The following DACT3 variants were observed in gnomAD, a reference collection of about 807,000 sequenced individuals.
DACT3 encodes the protein dishevelled binding antagonist of beta catenin 3.
In DACT3, 5 loss-of-function variants were observed where a neutral mutation model predicts 19.6. The observed-to-expected ratio is 0.26, with a 90% confidence interval of 0.13 to 0.54. The LOEUF (loss-of-function observed/expected upper bound fraction) is 0.54. Among genes scored for constraint, DACT3 ranks in the 20% least tolerant of loss-of-function variants. The pLI is 0.95. For synonymous variants in DACT3, 454 were observed against 428.1 expected (o/e 1.06, Z -0.75); for missense variants, 908 against 927.4 (o/e 0.98, Z 0.27).
At position 46,649,260 on chromosome 19, in the gene DACT3, G is replaced by A; in HGVS notation, c.1112C>T (p.Pro371Leu). ...PGAQAATRGL[P>L]GRAARRKPPP... ...CGGTTTGCGGCGGGCGGCGCGGCCA[G>A]GGAGGCCTCGGGTGGCCGCCTGCGC... The change falls in exon 4 of 4, where the codon CCT becomes CTT. Residue 371 changes from proline (P) to leucine (L), a missense_variant. Pro to Leu is a moderately conservative substitution (Grantham distance 98). Around this residue, in one of 2 missense-constraint regions of DACT3, gnomAD observed 656 missense variants for 601.8 expected, o/e 1.09. Transcript: ENST00000391916. The A allele has an allele frequency of 8.3e-7, 1 of 1,200,538 alleles. No homozygotes were observed. Among genetic ancestry groups the A allele is most frequent in the Non-Finnish European group, 1.0e-6 (1 of 970,050 alleles). 74.4% of individuals were successfully genotyped at this position (1,200,538 alleles called of 1,614,324 possible). A position where few individuals can be genotyped will look rare whatever the true frequency, so the allele number is the denominator to read the frequency against.
At chr19:46,654,895 C>G (rs1599791796) in intron 1 of DACT3, 1 of 984,984 alleles carries the variant, frequency 1.0e-6, no homozygotes, top group East Asian at 1.1e-4. Flanking sequence ...CCCATCCGGG[C>G]CTGTTTATTT....
Position 46,649,017 on chromosome 19 carries a change from G to C in DACT3, c.1355C>G (p.Pro452Arg), listed in dbSNP as rs1354943075. The change falls in exon 4 of 4, where the codon CCT becomes CGT. Residue 452 changes from proline to arginine, a missense_variant. By Grantham distance (103) the Pro-to-Arg change is moderately radical. This residue lies in a region of DACT3 where 656 missense variants were observed against 601.8 expected (regional missense o/e 1.09). Transcript: ENST00000391916. The stretch of plus-strand genomic sequence containing the variant: ...GCCGCGGCGTGGCCGTGGAGGCCGA[G>C]GCTCTTCCCGCTCCGCCGTGGGGTA... ...PKYPTAEREE[P>R]RPPRPRRGPA... The C allele has an allele frequency of 1.1e-5, 14 of 1,271,750 alleles. No individual in the cohort carries two copies. Among genetic ancestry groups the C allele is most frequent in the African/African-American group, 1.6e-5 (1 of 63,918 alleles). 78.8% of individuals were successfully genotyped at this position (1,271,750 alleles called of 1,614,324 possible). A position where few individuals can be genotyped will look rare whatever the true frequency, so the allele number is the denominator to read the frequency against.
chr19:46,653,739 A>G (rs908632652), intron 1 of DACT3, among the ~76,000 whole-genome samples: 12 of 151,776 alleles, frequency 7.9e-5, no homozygotes, highest in Admixed American at 7.2e-4. Flanking sequence ...TTTTCAGTAG[A>G]GGCAGGGTTT....
chr19:46,656,119 G>C (rs1458228684), intron 1 of DACT3, among the ~76,000 whole-genome samples: 1 of 149,354 alleles, frequency 6.7e-6, no homozygotes, highest in Admixed American at 6.7e-5. Flanking sequence ...GGAGTGCAGT[G>C]GTGCAGCCTC....
At position 46,660,024 on chromosome 19, in the gene DACT3, A is replaced by G. The variant is rs1297077639; in HGVS notation, c.249+792T>C. Among the ~76,000 whole-genome samples, 3 of 152,134 alleles carry G rather than the reference A, an allele frequency of 2.0e-5. No homozygotes were observed. The highest frequency in any genetic ancestry group is 4.4e-5 in the Non-Finnish European group (3 of 68,016). On this transcript the variant is annotated intron_variant, in intron 1 of 3. Transcript: ENST00000391916. The surrounding 1 kb of genome is among the most constrained non-coding windows in gnomAD (Gnocchi z 4.9). ...AACCCAGGACGAGATCGGGAGACTC[A>G]AGGAATGACATAGAAAGGGGAGAGG...
Position 46,652,736 on chromosome 19 carries a change from A to T in DACT3, c.423T>A (p.Ser141=). ...CCAGGCGACCATAGGAGCTGGATCC[A>T]GAGAAGCCACTGTCCCCACAGAAGG... ...PSTFCGDSGF[S]GSSSYGRLGP... is the part of the protein sequence containing the mutation. Residue 141 remains serine (S), a synonymous_variant, in exon 3 of 4, where the codon TCT becomes TCA. Coordinates refer to ENST00000391916, the MANE Select transcript of DACT3 (RefSeq NM_145056.3). The T allele has an allele frequency of 6.4e-7, 1 of 1,551,682 alleles. No individual in the cohort carries two copies. Among genetic ancestry groups the T allele is most frequent in the Non-Finnish European group, 8.7e-7 (1 of 1,146,996 alleles).
intron 2 of DACT3, 26 bp from the exon 3 acceptor site, chr19:46,652,838 A>T (rs1432342326): frequency 6.5e-7 from 1 of 1,545,858 alleles, no homozygotes; most frequent in African/African-American, 1.4e-5. Flanking sequence ...AAGCAGAGAG[A>T]CTTCAGGGGG....
chr19:46,653,489 G>A (rs2053006010), intron 1 of DACT3, among the ~76,000 whole-genome samples: 1 of 151,976 alleles, frequency 6.6e-6, no homozygotes, highest in African/African-American at 2.4e-5. Flanking sequence ...AGGACCCCCA[G>A]ATCCCTTAGT....
intron 1 of DACT3, chr19:46,654,558 G>A: frequency 1.0e-6 from 1 of 985,168 alleles, no homozygotes; most frequent in Non-Finnish European, 1.2e-6. Flanking sequence ...CAGGAAAAGA[G>A]CACTTCTCAC....
chr19:46,648,761 A>G lies in DACT3; in HGVS notation c.1611T>C (p.Pro537=). 3 of 1,566,602 alleles carry G rather than the reference A, an allele frequency of 1.9e-6. No individual in the cohort carries two copies. The highest frequency in any genetic ancestry group is 2.6e-6 in the Non-Finnish European group (3 of 1,162,742). The change falls in exon 4 of 4, where the codon CCT becomes CCC. Residue 537 remains proline (P), a synonymous_variant. Coordinates refer to ENST00000391916, the MANE Select transcript of DACT3 (RefSeq NM_145056.3). This position sits in a 1 kb window ranked among gnomAD's most constrained non-coding sequence, Gnocchi z 5.1. ...CGTAACCCCCGCCGACGCCTCCCGC[A>G]GGCCCCCGGCGTCCCAGGGGCCCCA... ...GRLGPLGRRG[P]AGGVGGGYGE...
Position 46,660,819 on chromosome 19 carries a change from CT to C in DACT3, c.245del (p.Gln82ArgfsTer19). The part of the protein sequence containing the change: ...ARRAAAALEE[Q>X]LEALPGLVWD... ...GGACGGACAGGCAGCCCCTTACCAG[CT>C]GCTCCTCCAGGGCCGCTGCGGCCCG... On this transcript the variant is annotated frameshift_variant, in exon 1 of 4. Coordinates refer to ENST00000391916, the MANE Select transcript of DACT3 (RefSeq NM_145056.3). LOFTEE classifies it high-confidence loss of function. This position sits in a 1 kb window ranked among gnomAD's most constrained non-coding sequence, Gnocchi z 4.9. 6.7e-7 allele frequency: 1 copy of C among 1,502,322 alleles called. No homozygotes were observed. The highest frequency in any genetic ancestry group is 8.8e-7 in the Non-Finnish European group (1 of 1,131,674). 93.1% of individuals were successfully genotyped at this position (1,502,322 alleles called of 1,614,324 possible).
intron 1 of DACT3, among the ~76,000 whole-genome samples, chr19:46,653,593 G>A (rs140084148): frequency 0.015 from 1,884 of 122,804 alleles, 25 homozygotes; most frequent in South Asian, 0.067. Flanking sequence ...TCACTCTGTC[G>A]CCTAGGCTGG....
At chr19:46,653,853 C>T (rs997702617) in intron 1 of DACT3, among the ~76,000 whole-genome samples, 4 of 152,188 alleles carry the variant, frequency 2.6e-5, no homozygotes, top group Non-Finnish European at 5.9e-5. Flanking sequence ...TGCGCCCAGC[C>T]TCTCCCCGTC....
Position 46,661,168 on chromosome 19 carries a change from G to T in DACT3, c.-104C>A. On this transcript the variant is annotated 5_prime_UTR_variant, in exon 1 of 4. Coordinates refer to ENST00000391916, the MANE Select transcript of DACT3 (RefSeq NM_145056.3). Reference sequence around the variant, plus strand: ...TGCCCGCCCGCCCGCTGGCCGGGCTGTCACCGTCTCATCTGCATAGGCGCC... The same window carrying T: ...TGCCCGCCCGCCCGCTGGCCGGGCTTTCACCGTCTCATCTGCATAGGCGCC... 8.1e-7 allele frequency: 1 copy of T among 1,233,500 alleles called. No individual in the cohort carries two copies. The highest frequency in any genetic ancestry group is 1.0e-6 in the Non-Finnish European group (1 of 960,768). The allele number at this position is 1,233,500 out of a possible 1,614,324, so 76.4% of individuals were successfully genotyped here.
rs574157171 is a variant in DACT3, at chr19:46,653,125, C to T, written c.250-50G>A. The T allele has an allele frequency of 7.8e-5, 120 of 1,542,842 alleles. 1 individual carries two copies. The Middle Eastern group carries it at 1.8e-3, about 24-fold the overall frequency. On this transcript the variant is annotated intron_variant, in intron 1 of 3. Coordinates refer to ENST00000391916, the MANE Select transcript of DACT3 (RefSeq NM_145056.3). The stretch of plus-strand genomic sequence containing the variant: ...GGTCAGAAGGCCCCCAGTCCTCTGC[C>T]GACTGGTCCCCTATTCCACGAGCTC...
intron 3 of DACT3, chr19:46,651,069 T>C (rs113433039): frequency 0.029 from 1,292 of 44,134 alleles, 14 homozygotes; most frequent in African/African-American, 0.064. Context: ...ATTTATCTAT[T>C]TATTTATTTA....
intron 3 of DACT3, 76 bp from the exon 4 acceptor site, chr19:46,649,948 C>T (rs2052966446): frequency 2.3e-6 from 3 of 1,286,526 alleles, no homozygotes; most frequent in Middle Eastern, 2.8e-4. Flanking sequence ...ATTTCTCATC[C>T]AGCCCGGAAG....
chr19:46,654,891 C>T (rs920411011), intron 1 of DACT3: 5 of 985,220 alleles, frequency 5.1e-6, no homozygotes, highest in Middle Eastern at 5.2e-4. Context: ...AGCCCCCATC[C>T]GGGCCTGTTT....
intron 3 of DACT3, chr19:46,652,054 T>C (rs1206790205): frequency 6.6e-6 from 1 of 151,522 alleles, no homozygotes; most frequent in African/African-American, 2.4e-5. Flanking sequence ...TCACCACGCC[T>C]AGCTAAGTTT....
Sources: allele counts gnomAD v4.1 joint callset (sites outside exome capture counted in the v4.1 genomes callset), GRCh38; gene constraint gnomAD v4.1.1; regional missense constraint gnomAD v4.1.1; non-coding constraint Gnocchi (gnomAD v3.1); transcripts MANE v1.5; gene names NCBI Gene and HGNC (gene_info 2026-07-23, HGNC 2026-07-21).